The following HSPD1 variants were observed in gnomAD, a reference collection of about 807,000 sequenced individuals.
HSPD1 encodes 60 kDa heat shock protein, mitochondrial.
Under a neutral mutation model 53.0 loss-of-function variants are expected in HSPD1, and 3 were observed. The ratio of observed to expected loss-of-function variants is 0.06; its 90% CI spans 0.03 to 0.15. The LOEUF (loss-of-function observed/expected upper bound fraction) is 0.15, where lower values mean the gene tolerates loss of function less well. HSPD1 is among the 10% of genes least tolerant of loss of function. The probability of loss-of-function intolerance (pLI) is 1.00; values close to 1 mark genes in which losing one functional copy is unlikely to be tolerated. For missense variants in HSPD1, 431 were observed against 694.1 expected, an observed-to-expected ratio of 0.62 and a Z score of 4.26; for synonymous variants, 200 against 228.0, an observed-to-expected ratio of 0.88 and a Z score of 1.10.
chr2:197,488,823 G>A (rs1346482808), intron 9 of HSPD1, among the ~76,000 whole-genome samples, 179 bp downstream of exon 9: 5 of 152,136 alleles, frequency 3.3e-5, no homozygotes, highest in Admixed American at 6.6e-5. Flanking sequence ...CGCCGAGATC[G>A]CACCACTGCA....
In HSPD1 at chr2:197,487,310, G is replaced by A. The variant is rs2086038307; in HGVS notation, c.1570-112C>T. On this transcript the variant is annotated intron_variant, in intron 11 of 11. Transcript: ENST00000388968. ...CACCTGTAATCCAGCACTTTGGGAG[G>A]CTGAGGCAGGTAGATGACTTGAGGT... 7.7e-6 allele frequency: 7 copies of A among 909,872 alleles called. No homozygotes were observed. In the Admixed American group the frequency reaches 1.2e-4, roughly 16 times the overall value. The allele number at this position is 909,872 out of a possible 1,614,324, so 56.4% of individuals were successfully genotyped here.
chr2:197,488,067 C>CT, intron 10 of HSPD1, 31 bp from the exon 11 acceptor site: 1 of 1,426,454 alleles, frequency 7.0e-7, no homozygotes, highest in Non-Finnish European at 9.8e-7. Flanking sequence ...AATTTTAATA[C>CT]TTTCATTTGT....
upstream of HSPD1, chr2:197,500,137 G>T: frequency 2.0e-6 from 1 of 503,274 alleles, no homozygotes; most frequent in Non-Finnish European, 3.6e-6. Flanking sequence ...TTCCGGGAGG[G>T]GACGAAGGGG....
chr2:197,497,070 A>T, intron 3 of HSPD1, 70 bp downstream of exon 3: 1 of 1,400,384 alleles, frequency 7.1e-7, no homozygotes, highest in Non-Finnish European at 1.0e-6. Flanking sequence ...CACTTTCCTT[A>T]GGTCCAAGGA....
At chr2:197,498,459 T>C (rs955619064) in intron 2 of HSPD1, among the ~76,000 whole-genome samples, 16 of 152,162 alleles carry the variant, frequency 1.1e-4, no homozygotes, top group African/African-American at 3.9e-4. Flanking sequence ...ACATCACACA[T>C]TGAACAAAAT....
At position 197,498,837 on chromosome 2, in the gene HSPD1, T is replaced by A; in HGVS notation, c.12A>T (p.Leu4Phe). Residue 4 changes from leucine to phenylalanine, a missense_variant, in exon 2 of 12, where the codon TTA becomes TTT. Physicochemically the swap from Leu to Phe is conservative, Grantham distance 22 (BLOSUM62 0). Coordinates refer to ENST00000388968, the MANE Select transcript of HSPD1 (RefSeq NM_002156.5). The part of the protein sequence containing the change: MLR[L>F]PTVFRQMRPV... The stretch of plus-strand genomic sequence containing the variant: ...GTCTCATCTGGCGAAAGACTGTGGG[T>A]AACCGAAGCATTTCTGGGGATGGAA... 1 of 1,614,136 alleles carries A rather than the reference T, an allele frequency of 6.2e-7. No individual in the cohort carries two copies. The highest frequency in any genetic ancestry group is 8.5e-7 in the Non-Finnish European group (1 of 1,180,016).
chr2:197,498,830 C>CTG lies in HSPD1; in HGVS notation c.17_18dup (p.Val7GlnfsTer6). 6.2e-7 allele frequency: 1 copy of CTG among 1,614,212 alleles called. No individual in the cohort carries two copies. Among genetic ancestry groups the CTG allele is most frequent in the Non-Finnish European group, 8.5e-7 (1 of 1,180,040 alleles). The stretch of plus-strand genomic sequence containing the variant: ...GACACCGGTCTCATCTGGCGAAAGA[C>CTG]TGTGGGTAACCGAAGCATTTCTGGG... On this transcript the variant is annotated frameshift_variant, in exon 2 of 12. Transcript: ENST00000388968. LOFTEE classifies it high-confidence loss of function.
chr2:197,500,089 G>A (rs539674750), upstream of HSPD1: 1 of 342,586 alleles, frequency 2.9e-6, no homozygotes, highest in African/African-American at 2.1e-5. Flanking sequence ...TCCAGAAAAT[G>A]CCGCGCTCCC....
Position 197,487,087 on chromosome 2 carries a change from T to C in HSPD1, c.1681A>G (p.Met561Val), listed in dbSNP as rs371969794. ...CCCATACCACCTCCCATTCCACCCATTGCACCCATTCCAGGGTCCTTCTCT... is the reference window on the plus strand; with the variant it reads ...CCCATACCACCTCCCATTCCACCCACTGCACCCATTCCAGGGTCCTTCTCT... ...KEEKDPGMGA[M>V]GGMGGGMGGG... is the part of the protein sequence containing the mutation. Residue 561 changes from methionine (M) to valine (V), a missense_variant, in exon 12 of 12, where the codon ATG becomes GTG. Transcript: ENST00000388968. The C allele has an allele frequency of 2.0e-4, 311 of 1,537,316 alleles. 2 individuals are homozygous for C. The highest frequency in any genetic ancestry group is 1.8e-3 in the South Asian group (159 of 89,546).
intron 2 of HSPD1, 104 bp from the exon 3 acceptor site, chr2:197,497,496 G>C (rs998185067): frequency 6.0e-6 from 7 of 1,164,902 alleles, no homozygotes; most frequent in Non-Finnish European, 9.0e-6. Flanking sequence ...AAGTCTCAAC[G>C]TAAGTTGTGT....
Position 197,497,130 on chromosome 2 carries a change from A to G in HSPD1, c.427+10T>C. The stretch of plus-strand genomic sequence containing the variant: ...GTTTAGAACACTGTGGTGACAACAG[A>G]CATTCCTACCTCTCCTGATTTCCAC... On this transcript the variant is annotated intron_variant, in intron 3 of 11. Transcript: ENST00000388968. The G allele has an allele frequency of 6.2e-7, 1 of 1,613,876 alleles. No homozygotes were observed. The highest frequency in any genetic ancestry group is 8.5e-7 in the Non-Finnish European group (1 of 1,179,730).
chr2:197,497,734 C>T (rs2086176545), intron 2 of HSPD1, among the ~76,000 whole-genome samples: 1 of 152,224 alleles, frequency 6.6e-6, no homozygotes, highest in South Asian at 2.1e-4. Flanking sequence ...TGCCTGTTAT[C>T]TTTTAAAGTA....
chr2:197,487,742 C>T, intron 11 of HSPD1, 116 bp downstream of exon 11: 1 of 784,482 alleles, frequency 1.3e-6, no homozygotes, highest in Non-Finnish European at 2.2e-6. Context: ...AGAGCTATTG[C>T]TGTTGCTACT....
chr2:197,489,997 T>C (rs1305408760), intron 8 of HSPD1, among the ~76,000 whole-genome samples, 200 bp downstream of exon 8: 1 of 152,180 alleles, frequency 6.6e-6, no homozygotes, highest in African/African-American at 2.4e-5. Flanking sequence ...CAATAAGATT[T>C]AGTCAATATA....
At chr2:197,499,655 C>T (rs1241273719) in intron 1 of HSPD1, 127 bp downstream of exon 1, 1 of 152,184 alleles carries the variant, frequency 6.6e-6, no homozygotes, top group Non-Finnish European at 1.5e-5. Flanking sequence ...AGGCCTGGGC[C>T]TGCGGTGCGG....
In HSPD1 at chr2:197,494,745, G is replaced by A. The variant is rs1217342431; in HGVS notation, c.518C>T (p.Thr173Met). The A allele has an allele frequency of 1.9e-6, 3 of 1,606,610 alleles. No homozygotes were observed. The highest frequency in any genetic ancestry group is 2.6e-6 in the Non-Finnish European group (3 of 1,173,316). The change falls in exon 5 of 12, where the codon ACG becomes ATG. Residue 173 changes from threonine (T) to methionine (M), a missense_variant. Transcript: ENST00000388968. ...TTCTTTGTCTCCGTTTGCAGAAATC[G>A]TAGCAACCTGAAATAATCCAGTTAC... ...TTPEEIAQVA[T>M]ISANGDKEIG...
intron 8 of HSPD1, among the ~76,000 whole-genome samples, chr2:197,489,506 G>C (rs1216559935): frequency 2.6e-5 from 4 of 152,126 alleles, no homozygotes; most frequent in African/African-American, 9.7e-5. Flanking sequence ...CTTACTGGTA[G>C]AGCCAGGACA....
intron 9 of HSPD1, among the ~76,000 whole-genome samples, 163 bp downstream of exon 9, chr2:197,488,839 G>T (rs2086057397): frequency 1.3e-5 from 2 of 152,228 alleles, no homozygotes; most frequent in South Asian, 4.1e-4. Context: ...CTGCATCCCA[G>T]CCTGGGTGAC....
chr2:197,496,883 C>G, intron 3 of HSPD1: 3 of 479,618 alleles, frequency 6.3e-6, no homozygotes, highest in Non-Finnish European at 1.1e-5. Flanking sequence ...GCAGTCCAGC[C>G]TGGGCTACAG....
Sources: gnomAD v4.1 joint callset for allele counts (sites outside exome capture counted in the v4.1 genomes callset) on GRCh38, gnomAD v4.1.1 for gene constraint, MANE v1.5 for transcripts, NCBI Gene and HGNC (gene_info 2026-07-23, HGNC 2026-07-21) for gene names.